GPC5: variants seen among roughly 807,000 people sequenced by gnomAD.
The protein encoded by GPC5 is glypican-5.
A neutral mutation model predicts 53.9 loss-of-function variants in GPC5; 47 were observed. The ratio of observed to expected loss-of-function variants is 0.87; its 90% CI spans 0.69 to 1.11. The LOEUF is 1.11. Among genes scored for constraint, GPC5 ranks in the 50% most tolerant of loss-of-function variants. GPC5 has a pLI of 0.00. For synonymous variants in GPC5, 286 were observed against 263.3 expected, an observed-to-expected ratio of 1.09 and a Z score of -0.84; for missense variants, 748 against 713.1, an observed-to-expected ratio of 1.05 and a Z score of -0.56.
intron 5 of GPC5, among the ~76,000 whole-genome samples, chr13:91,774,165 G>A (rs342700): frequency 0.73 from 111,032 of 152,058 alleles, 40,822 homozygotes; most frequent in East Asian, 0.89. Flanking sequence ...GAGGTACAGT[G>A]TAGAGAGAAA....
intron 7 of GPC5, among the ~76,000 whole-genome samples, chr13:92,247,439 T>C (rs1216506013): frequency 6.6e-6 from 1 of 152,154 alleles, no homozygotes; most frequent in Non-Finnish European, 1.5e-5. Context: ...TTGGTGACAC[T>C]AGTATATAAT....
chr13:92,486,657 A>C (rs1879565330), intron 7 of GPC5, among the ~76,000 whole-genome samples: 1 of 152,250 alleles, frequency 6.6e-6, no homozygotes, highest in South Asian at 2.1e-4. Context: ...GGAAATCATA[A>C]GAATGAGAAT....
chr13:92,231,006 G>A (rs1019970334), intron 7 of GPC5, among the ~76,000 whole-genome samples: 1 of 152,166 alleles, frequency 6.6e-6, no homozygotes, highest in Non-Finnish European at 1.5e-5. Context: ...AGAGCAAAGC[G>A]CTTTGCAGTA....
intron 1 of GPC5, among the ~76,000 whole-genome samples, chr13:91,413,191 G>A (rs1179821139): frequency 6.6e-6 from 1 of 152,188 alleles, no homozygotes; most frequent in African/African-American, 2.4e-5. Flanking sequence ...TGAGGTGGGA[G>A]GATAGCCTGA....
chr13:92,486,059 G>A (rs748544928), intron 7 of GPC5, among the ~76,000 whole-genome samples: 11 of 152,184 alleles, frequency 7.2e-5, no homozygotes, highest in Non-Finnish European at 1.2e-4. Context: ...TCCCTTGGAG[G>A]TCTTAATGAT....
chr13:91,403,099 A>C (rs973996417), intron 1 of GPC5, among the ~76,000 whole-genome samples: 3 of 152,172 alleles, frequency 2.0e-5, no homozygotes, highest in African/African-American at 7.2e-5. Flanking sequence ...TTGCGACTCT[A>C]TTTCTCATGA....
chr13:91,455,274 A>C (rs1253053024), intron 2 of GPC5, among the ~76,000 whole-genome samples: 1 of 152,112 alleles, frequency 6.6e-6, no homozygotes, highest in East Asian at 1.9e-4. Context: ...CTAGATATTT[A>C]CTAAAATTGC....
At chr13:91,841,616 T>C (rs1301179904) in intron 5 of GPC5, among the ~76,000 whole-genome samples, 1 of 152,030 alleles carries the variant, frequency 6.6e-6, no homozygotes, top group Admixed American at 6.6e-5. Context: ...ATAACATTAA[T>C]GGTATTTGCT....
chr13:91,610,500 C>T (rs16946292), intron 2 of GPC5, among the ~76,000 whole-genome samples: 18,611 of 152,110 alleles, frequency 0.12, 2,122 homozygotes, highest in African/African-American at 0.29. Flanking sequence ...TCGGCTTCTT[C>T]AAATGTGACA....
At chr13:92,688,247 G>A (rs1477466064) in intron 7 of GPC5, among the ~76,000 whole-genome samples, 3 of 68,582 alleles carry the variant, frequency 4.4e-5, no homozygotes, top group Non-Finnish European at 7.6e-5. Context: ...TTCAGAGCCT[G>A]TTATTGGTCT....
chr13:91,537,279 T>C (rs1886636480), intron 2 of GPC5, among the ~76,000 whole-genome samples: 2 of 151,928 alleles, frequency 1.3e-5, no homozygotes, highest in South Asian at 4.2e-4. Context: ...ACAACACTGA[T>C]AAAACTTTTA....
In GPC5 at chr13:92,755,688, A is replaced by C. The variant is rs1306279170; in HGVS notation, c.1562-110594A>C. Reference sequence around the variant, plus strand: ...ACAGAAATACAAACTACCATCAGAGAATACTACAAACACCTCTACGCAAAT... The same window carrying C: ...ACAGAAATACAAACTACCATCAGAGCATACTACAAACACCTCTACGCAAAT... On this transcript the variant is annotated intron_variant, in intron 7 of 7. Transcript: ENST00000377067. 5.7e-5 allele frequency among the ~76,000 whole-genome samples: 8 copies of C among 139,580 alleles called. No individual in the cohort carries two copies. In the Admixed American group the frequency reaches 6.0e-4, roughly 11 times the overall value. 91.6% of individuals were successfully genotyped at this position (139,580 alleles called of 152,430 possible). A position where few individuals can be genotyped will look rare whatever the true frequency, so the allele number is the denominator to read the frequency against.
chr13:92,258,747 C>T (rs2042744585), intron 7 of GPC5, among the ~76,000 whole-genome samples: 1 of 152,118 alleles, frequency 6.6e-6, no homozygotes, highest in Non-Finnish European at 1.5e-5. Flanking sequence ...TTTGTGACTT[C>T]CTGGCAAATA....
chr13:92,096,790 G>A (rs2138905291), intron 6 of GPC5, among the ~76,000 whole-genome samples: 1 of 152,272 alleles, frequency 6.6e-6, no homozygotes, highest in African/African-American at 2.4e-5. Context: ...GTATACAGTG[G>A]CATTTAAAAA....
intron 6 of GPC5, among the ~76,000 whole-genome samples, chr13:91,982,752 A>T (rs946661708): frequency 2.0e-4 from 30 of 152,176 alleles, no homozygotes; most frequent in Non-Finnish European, 4.3e-4. Context: ...TGTCCACAAG[A>T]TTTAGTAATA....
intron 6 of GPC5, among the ~76,000 whole-genome samples, chr13:92,097,429 A>G (rs912325400): frequency 2.6e-5 from 4 of 152,230 alleles, no homozygotes; most frequent in Admixed American, 2.6e-4. Flanking sequence ...TGTACTCTGA[A>G]AAAGCTGAGG....
chr13:91,728,562 A>T lies in GPC5; in HGVS notation c.1051A>T (p.Thr351Ser). 1 of 1,612,320 alleles carries T rather than the reference A, an allele frequency of 6.2e-7. No individual in the cohort carries two copies. Residue 351 changes from threonine to serine, a missense_variant, in exon 4 of 8, where the codon ACA becomes TCA. By Grantham distance (58) the Thr-to-Ser change is moderately conservative (BLOSUM62 1). Transcript: ENST00000377067. ...TAGGATTTGTGGCCGCCCTGTAAGA[A>T]CACCCACACAAAGCCCCCGTTGTTC... ...VNRICGRPVR[T>S]PTQSPRCSFD... is the part of the protein sequence containing the mutation.
chr13:92,096,897 G>T (rs2138905428), intron 6 of GPC5, among the ~76,000 whole-genome samples: 1 of 152,300 alleles, frequency 6.6e-6, no homozygotes, highest in South Asian at 2.1e-4. Flanking sequence ...GCCAAGGATG[G>T]AAGAACTTTG....
At chr13:92,722,354 T>C (rs1179805667) in intron 7 of GPC5, among the ~76,000 whole-genome samples, 2 of 152,018 alleles carry the variant, frequency 1.3e-5, no homozygotes, top group African/African-American at 4.8e-5. Flanking sequence ...AAGCTTTTGC[T>C]AGGACATTAA....
Sources: allele counts gnomAD v4.1 joint callset (sites outside exome capture counted in the v4.1 genomes callset), GRCh38; gene constraint gnomAD v4.1.1; transcripts MANE v1.5; gene names NCBI Gene and HGNC (gene_info 2026-07-23, HGNC 2026-07-21).